PTPRQ: variants seen among roughly 807,000 people sequenced by gnomAD.
The protein encoded by PTPRQ is protein tyrosine phosphatase receptor type Q.
In PTPRQ, 199 loss-of-function variants were observed where a neutral mutation model predicts 246.0. The ratio of observed to expected loss-of-function variants is 0.81; its 90% confidence interval spans 0.72 to 0.91. The LOEUF is 0.91. Ranked by LOEUF, PTPRQ falls within the 40% of genes least tolerant of loss-of-function variation. PTPRQ has a pLI of 0.00. For synonymous variants in PTPRQ, 869 were observed against 853.2 expected, an observed-to-expected ratio of 1.02 and a Z score of -0.32; for missense variants, 2,624 against 2,528.4, an observed-to-expected ratio of 1.04 and a Z score of -0.81.
At chr12:80,485,932 A>G (rs78954977) in intron 9 of PTPRQ, among the ~76,000 whole-genome samples, 2,851 of 152,118 alleles carry the variant, frequency 0.019, 88 homozygotes, top group African/African-American at 0.065. Context: ...GTCTCATAGT[A>G]GAGAGCTCAT....
At chr12:80,626,139 G>A (rs1232703070) in intron 33 of PTPRQ, among the ~76,000 whole-genome samples, 1 of 152,130 alleles carries the variant, frequency 6.6e-6, no homozygotes, top group Middle Eastern at 3.2e-3. Context: ...ATAGGGAGTT[G>A]CTATGTATCT....
chr12:80,616,926 A>T (rs1898785229), intron 30 of PTPRQ, among the ~76,000 whole-genome samples: 1 of 151,236 alleles, frequency 6.6e-6, no homozygotes, highest in African/African-American at 2.4e-5. Context: ...AGCAGGTAAT[A>T]ATTATGCCAT....
At chr12:80,514,618 A>G (rs975697948) in intron 17 of PTPRQ, among the ~76,000 whole-genome samples, 1 of 28,616 alleles carries the variant, frequency 3.5e-5, no homozygotes, top group African/African-American at 1.1e-4. Flanking sequence ...TATATATATT[A>G]TACAAATTTT....
At chr12:80,458,587 A>G (rs2895800) in intron 4 of PTPRQ, among the ~76,000 whole-genome samples, 82,252 of 151,556 alleles carry the variant, frequency 0.54, 25,276 homozygotes, top group African/African-American at 0.86. Flanking sequence ...TCTTTCAAAA[A>G]TGACTTGTCA....
At chr12:80,578,720 G>GT (rs1897345456) in intron 25 of PTPRQ, among the ~76,000 whole-genome samples, 1 of 152,126 alleles carries the variant, frequency 6.6e-6, no homozygotes, top group Non-Finnish European at 1.5e-5. Context: ...AACATACTTA[G>GT]TATTTACTGT....
At chr12:80,596,364 G>A (rs1592699337) in intron 26 of PTPRQ, among the ~76,000 whole-genome samples, 1 of 151,860 alleles carries the variant, frequency 6.6e-6, no homozygotes, top group East Asian at 1.9e-4. Flanking sequence ...TAAGCAAGTA[G>A]AAAGTTGTAG....
chr12:80,544,483 C>T (rs1896246475), intron 23 of PTPRQ, among the ~76,000 whole-genome samples: 1 of 152,122 alleles, frequency 6.6e-6, no homozygotes, highest in Non-Finnish European at 1.5e-5. Flanking sequence ...AGCAAAAATA[C>T]CATCTTTATA....
chr12:80,564,486 T>C (rs1414264713), intron 25 of PTPRQ, among the ~76,000 whole-genome samples: 1 of 152,210 alleles, frequency 6.6e-6, no homozygotes, highest in Non-Finnish European at 1.5e-5. Flanking sequence ...TCCATGGGTA[T>C]ATTTTGAATA....
chr12:80,469,998 G>A (rs74965530), intron 7 of PTPRQ, among the ~76,000 whole-genome samples: 1 of 152,228 alleles, frequency 6.6e-6, no homozygotes, highest in Admixed American at 6.5e-5. Flanking sequence ...TGGAACAATG[G>A]GTGTAGAAAT....
intron 26 of PTPRQ, among the ~76,000 whole-genome samples, chr12:80,601,762 CTTATAT>C (rs1898151218): frequency 6.6e-6 from 1 of 151,616 alleles, no homozygotes; most frequent in South Asian, 2.1e-4. Context: ...CACAAAGCAT[CTTATAT>C]TTATATTTTT....
chr12:80,671,593 C>A (rs554541975), intron 42 of PTPRQ, among the ~76,000 whole-genome samples: 1 of 152,230 alleles, frequency 6.6e-6, no homozygotes, highest in African/African-American at 2.4e-5. Context: ...TGAAAACCAT[C>A]TACTAAATAT....
intron 36 of PTPRQ, among the ~76,000 whole-genome samples, 177 bp from the exon 37 acceptor site, chr12:80,649,411 T>C (rs1900182411): frequency 6.6e-6 from 1 of 152,132 alleles, no homozygotes; most frequent in African/African-American, 2.4e-5. Flanking sequence ...GAAAGTGAGC[T>C]TAAAGAAGAA....
chr12:80,642,053 TA>T (rs1226993126), intron 35 of PTPRQ, among the ~76,000 whole-genome samples: 2 of 152,070 alleles, frequency 1.3e-5, no homozygotes, highest in African/African-American at 4.8e-5. Context: ...AATCAGTGAC[TA>T]GTACCCTGCT....
At position 80,542,820 on chromosome 12, in the gene PTPRQ, G is replaced by T. The variant is rs1896194270; in HGVS notation, c.3812G>T (p.Gly1271Val). The change falls in exon 23 of 45, where the codon GGT becomes GTT. Residue 1271 changes from glycine to valine, a missense_variant. Gly to Val is a moderately radical substitution (Grantham distance 109). Coordinates refer to ENST00000644991, the MANE Select transcript of PTPRQ (RefSeq NM_001145026.2). ...TGGAGCCCAAGTCCTCTTCCAGGTG[G>T]TATTGTTAAAGTATATAGTTTTAAA... is the stretch of plus-strand genomic sequence containing the variant. ...LKWSPSPLPGGIVKVYSFKIH... is the reference protein window; with the variant it reads ...LKWSPSPLPGVIVKVYSFKIH... 2 of 1,547,820 alleles carry T rather than the reference G, an allele frequency of 1.3e-6. No homozygotes were observed. Among genetic ancestry groups the T allele is most frequent in the Admixed American group, 2.0e-5 (1 of 50,530 alleles).
chr12:80,612,072 T>A (rs1898573180), intron 28 of PTPRQ, among the ~76,000 whole-genome samples: 1 of 150,382 alleles, frequency 6.6e-6, no homozygotes, highest in Non-Finnish European at 1.5e-5. Context: ...CTTTACTTAG[T>A]ATGGAAGGAT....
intron 42 of PTPRQ, among the ~76,000 whole-genome samples, chr12:80,671,493 CT>C (rs2121287828): frequency 6.6e-6 from 1 of 152,096 alleles, no homozygotes; most frequent in South Asian, 2.1e-4. Context: ...CCTTTTTAGC[CT>C]CAAAAAGAAT....
intron 3 of PTPRQ, among the ~76,000 whole-genome samples, chr12:80,454,937 G>T (rs1221342811): frequency 6.6e-6 from 1 of 152,198 alleles, no homozygotes; most frequent in Non-Finnish European, 1.5e-5. Flanking sequence ...AGCACTTTGG[G>T]AGGCCGAGGC....
intron 35 of PTPRQ, among the ~76,000 whole-genome samples, chr12:80,644,290 T>A (rs531664485): frequency 2.0e-4 from 30 of 152,266 alleles, no homozygotes; most frequent in Non-Finnish European, 3.4e-4. Context: ...TTAAGACAGT[T>A]AAGATTCGTG....
rs183398009 is a variant in PTPRQ, at chr12:80,473,994, A to T, written c.1186+1743A>T. On this transcript the variant is annotated intron_variant, in intron 8 of 44. Coordinates refer to ENST00000644991, the MANE Select transcript of PTPRQ (RefSeq NM_001145026.2). Reference sequence around the variant, plus strand: ...GGGTTGGCATGGTTCTTATATCCTCATGTCAGCCTTCATCCATGGAGTTCT... The same window carrying T: ...GGGTTGGCATGGTTCTTATATCCTCTTGTCAGCCTTCATCCATGGAGTTCT... 2.6e-5 allele frequency among the ~76,000 whole-genome samples: 4 copies of T among 152,276 alleles called. No individual in the cohort carries two copies. The East Asian group carries it at 7.7e-4, about 29-fold the overall frequency.
Sources: allele counts gnomAD v4.1 joint callset (sites outside exome capture counted in the v4.1 genomes callset), GRCh38; gene constraint gnomAD v4.1.1; transcripts MANE v1.5; gene names NCBI Gene and HGNC (gene_info 2026-07-23, HGNC 2026-07-21).